KDR: variants seen among roughly 807,000 people sequenced by gnomAD.
KDR encodes the protein kinase insert domain receptor.
In KDR, 43 loss-of-function variants were observed where a neutral mutation model predicts 160.9. The ratio of observed to expected loss-of-function variants is 0.27; its 90% CI spans 0.21 to 0.34. The LOEUF (loss-of-function observed/expected upper bound fraction) is 0.34. Among genes scored for constraint, KDR ranks in the 10% least tolerant of loss-of-function variants. The pLI is 1.00. For synonymous variants in KDR, 617 were observed against 600.1 expected (o/e 1.03, Z -0.41); for missense variants, 1,469 against 1,666.4 (o/e 0.88, Z 2.06).
At chr4:55,120,233 C>T (rs535358695) in intron 2 of KDR, among the ~76,000 whole-genome samples, 13 of 152,218 alleles carry the variant, frequency 8.5e-5, no homozygotes, top group South Asian at 2.1e-4. Flanking sequence ...GAAGCAATGG[C>T]AATAACCTAC....
chr4:55,116,912 G>T (rs549396287), intron 3 of KDR, among the ~76,000 whole-genome samples: 1 of 152,098 alleles, frequency 6.6e-6, no homozygotes. Context: ...TTAACTTCAT[G>T]GCCAAAATCT....
chr4:55,104,158 G>A (rs1720379500), intron 13 of KDR, among the ~76,000 whole-genome samples: 1 of 152,120 alleles, frequency 6.6e-6, no homozygotes, highest in Non-Finnish European at 1.5e-5. Context: ...GTTAGTATAT[G>A]CTGCTATGCT....
At chr4:55,096,973 G>A (rs1236908752) in intron 18 of KDR, among the ~76,000 whole-genome samples, 1 of 152,184 alleles carries the variant, frequency 6.6e-6, no homozygotes, top group Non-Finnish European at 1.5e-5. Flanking sequence ...GAGAAAAAAG[G>A]CAGATGGAGA....
rs2110021024 is a variant in KDR, at chr4:55,102,346, G to A, written c.2134+16C>T. On this transcript the variant is annotated intron_variant, in intron 14 of 29. Transcript: ENST00000263923. ...AAAGTTCTGCAACCCAAGAGTGATAGCCAAATTCTATTTACCTGAGTCTTC... is the reference window on the plus strand; with the variant it reads ...AAAGTTCTGCAACCCAAGAGTGATAACCAAATTCTATTTACCTGAGTCTTC... The A allele has an allele frequency of 1.9e-6, 3 of 1,612,534 alleles. No homozygotes were observed. Among genetic ancestry groups the A allele is most frequent in the Non-Finnish European group, 2.5e-6 (3 of 1,178,748 alleles).
chr4:55,081,918 C>G (rs1367264814), intron 29 of KDR, 38 bp downstream of exon 29: 2 of 1,417,682 alleles, frequency 1.4e-6, no homozygotes, highest in South Asian at 2.3e-5. Context: ...CCAAAAATTC[C>G]TATTGAAATT....
In KDR at chr4:55,118,751, C is replaced by T. The variant is rs1183551296; in HGVS notation, c.211G>A (p.Glu71Lys). 4 of 1,614,200 alleles carry T rather than the reference C, an allele frequency of 2.5e-6. No individual in the cohort carries two copies. In the African/African-American group the frequency reaches 4.0e-5, roughly 16 times the overall value. Residue 71 changes from glutamate to lysine, a missense_variant, in exon 3 of 30, where the codon GAG (glutamate) becomes AAG (lysine). Physicochemically the swap from Glu to Lys is moderately conservative, Grantham distance 56 (BLOSUM62 1). Coordinates refer to ENST00000263923, the MANE Select transcript of KDR (RefSeq NM_002253.4). ...WLWPNNQSGS[E>K]QRVEVTECSD... ...CACTCAGTCACCTCCACCCTTTGCT[C>T]ACTGCCACTCTGATTATTGGGCCAA...
At chr4:55,106,860 T>A in intron 10 of KDR, 50 bp from the exon 11 acceptor site, 1 of 1,496,160 alleles carries the variant, frequency 6.7e-7, no homozygotes, top group Non-Finnish European at 9.3e-7. Flanking sequence ...TTTCTTTAAT[T>A]AGAGTCAAGA....
chr4:55,112,617 C>G (rs1421348209), intron 7 of KDR, among the ~76,000 whole-genome samples: 2 of 151,424 alleles, frequency 1.3e-5, no homozygotes, highest in Non-Finnish European at 1.5e-5. Context: ...CAACCTCCAC[C>G]TCCTGGGTTC....
At chr4:55,118,569 G>C (rs780222316) in intron 3 of KDR, 35 bp downstream of exon 3, 4 of 1,514,800 alleles carry the variant, frequency 2.6e-6, no homozygotes, top group East Asian at 4.5e-5. Flanking sequence ...AACTGGTAAA[G>C]AGACGTGGGA....
intron 26 of KDR, among the ~76,000 whole-genome samples, chr4:55,088,604 T>C (rs986084070): frequency 6.6e-6 from 1 of 152,256 alleles, no homozygotes; most frequent in Admixed American, 6.5e-5. Flanking sequence ...GTTTTAACTT[T>C]AGAAGAGGAT....
chr4:55,120,865 T>TGTGC (rs1413333097), intron 2 of KDR, among the ~76,000 whole-genome samples: 2 of 151,644 alleles, frequency 1.3e-5, no homozygotes, highest in Non-Finnish European at 2.9e-5. Flanking sequence ...TGTGTGTGTG[T>TGTGC]GTGTGTATGC....
chr4:55,109,246 C>T lies in KDR; in HGVS notation c.1255+1157G>A, dbSNP rs181913929. Among the ~76,000 whole-genome samples, 249 of 152,182 alleles carry T rather than the reference C, an allele frequency of 1.6e-3. 2 individuals are homozygous for T. Among genetic ancestry groups the T allele is most frequent in the Middle Eastern group, 3.4e-3 (1 of 294 alleles). ...TACAGGTGCCCACCACCATGCCTGG[C>T]TAATTTTTATATTTTTAGTAGAGAC... On this transcript the variant is annotated intron_variant, in intron 9 of 29. Transcript: ENST00000263923.
Position 55,118,480 on chromosome 4 carries a change from G to C in KDR, c.358+124C>G, listed in dbSNP as rs1720786659. The C allele has an allele frequency of 9.3e-6, 7 of 756,234 alleles. No individual in the cohort carries two copies. In the East Asian group the frequency reaches 1.6e-4, roughly 17 times the overall value. 46.8% of individuals were successfully genotyped at this position (756,234 alleles called of 1,614,324 possible). A position where few individuals can be genotyped will look rare whatever the true frequency, so the allele number is the denominator to read the frequency against. Reference sequence around the variant, plus strand: ...GAAAGCCTCAGGAGAGAAGAATTGTGTGTATTCCTCTTGGCAAACAGCCTT... The same window carrying C: ...GAAAGCCTCAGGAGAGAAGAATTGTCTGTATTCCTCTTGGCAAACAGCCTT... On this transcript the variant is annotated intron_variant, in intron 3 of 29. Transcript: ENST00000263923.
At chr4:55,098,982 AATTTATTTATTTATTTATTTATTTATTT>A (rs71930411) in intron 15 of KDR, among the ~76,000 whole-genome samples, 179 bp from the exon 16 acceptor site, 3 of 142,956 alleles carry the variant, frequency 2.1e-5, no homozygotes, top group South Asian at 4.5e-4. Flanking sequence ...TTTTGAATTT[AATTTATTTATTTATTTATTTATTTATTT>A]ATTTATTTAT....
chr4:55,113,773 G>GCCA (rs1044339116), intron 6 of KDR, among the ~76,000 whole-genome samples: 2 of 152,184 alleles, frequency 1.3e-5, no homozygotes, highest in African/African-American at 4.8e-5. Flanking sequence ...TGTATCTCAT[G>GCCA]CCACCTCTTA....
At chr4:55,118,933 G>T in intron 2 of KDR, 133 bp from the exon 3 acceptor site, 1 of 764,912 alleles carries the variant, frequency 1.3e-6, no homozygotes, top group Non-Finnish European at 2.2e-6. Context: ...TACCGGCCAG[G>T]CATGGTGGCT....
Position 55,079,965 on chromosome 4 carries a change from G to T in KDR, c.4047C>A (p.Thr1349=). The T allele has an allele frequency of 6.2e-7, 1 of 1,614,124 alleles. No individual in the cohort carries two copies. The highest frequency in any genetic ancestry group is 1.1e-5 in the South Asian group (1 of 91,074). The change falls in exon 30 of 30, where the codon ACC becomes ACA. Residue 1349 remains threonine, a synonymous_variant. Coordinates refer to ENST00000263923, the MANE Select transcript of KDR (RefSeq NM_002253.4). ...TAQILQPDSG[T]TLSSPPV ...TTTAAACAGGAGGAGAGCTCAGTGT[G>T]GTCCCCGAGTCAGGCTGGAGAATCT... is the stretch of plus-strand genomic sequence containing the variant.
chr4:55,110,866 T>A (rs1656871642), intron 7 of KDR, 98 bp from the exon 8 acceptor site: 1 of 954,608 alleles, frequency 1.0e-6, no homozygotes, highest in Non-Finnish European at 1.6e-6. Context: ...CTTGAGGGTC[T>A]GAGTAGCTGC....
intron 2 of KDR, among the ~76,000 whole-genome samples, chr4:55,120,308 T>A (rs933587809): frequency 4.6e-5 from 7 of 152,150 alleles, no homozygotes; most frequent in African/African-American, 1.4e-4. Context: ...CTTGTCACAG[T>A]CTCTACCAAA....
Sources: allele counts gnomAD v4.1 joint callset (sites outside exome capture counted in the v4.1 genomes callset), GRCh38; gene constraint gnomAD v4.1.1; transcripts MANE v1.5; gene names NCBI Gene and HGNC (gene_info 2026-07-23, HGNC 2026-07-21).